PCSK5: variants seen among roughly 807,000 people sequenced by gnomAD.
PCSK5 encodes the protein prohormone convertase 5.
In PCSK5, 129 loss-of-function variants were observed where a neutral mutation model predicts 233.2. That is an observed-to-expected ratio of 0.55 (90% CI 0.48 to 0.64). PCSK5 has a LOEUF of 0.64. PCSK5 is among the 30% of genes least tolerant of loss of function. The pLI, the probability that PCSK5 is intolerant of heterozygous loss-of-function variation, is 0.00. For synonymous variants in PCSK5, 825 were observed against 879.2 expected, an observed-to-expected ratio of 0.94 and a Z score of 1.09; for missense variants, 2,076 against 2,430.1, an observed-to-expected ratio of 0.85 and a Z score of 3.06.
intron 28 of PCSK5, among the ~76,000 whole-genome samples, chr9:76,303,903 G>A (rs2842473): frequency 0.43 from 65,218 of 152,030 alleles, 15,399 homozygotes; most frequent in East Asian, 0.84. Flanking sequence ...TGGCTGCAGT[G>A]GCTCACACCT....
At chr9:76,141,572 G>A (rs7040697) in intron 10 of PCSK5, among the ~76,000 whole-genome samples, 48,389 of 151,608 alleles carry the variant, frequency 0.32, 8,916 homozygotes, top group East Asian at 0.6. Context: ...CATCACCACA[G>A]TCGAGTTATA....
At chr9:76,024,871 G>A (rs1420963149) in intron 4 of PCSK5, among the ~76,000 whole-genome samples, 3 of 152,108 alleles carry the variant, frequency 2.0e-5, no homozygotes, top group Non-Finnish European at 4.4e-5. Context: ...ACTTTTAAAG[G>A]CAAACAAGCA....
rs1249516218 is a variant in PCSK5 at position 76,321,596 on chromosome 9, C to T, written c.4059C>T (p.Cys1353=). ...HVAVKGVCKH[C]PEMCQDCIHE... is the part of the protein sequence containing the mutation. ...CTGTGAAGGGGGTATGCAAGCATTG[C>T]CCAGAGATGTGTCAGGACTGCATCC... is the stretch of plus-strand genomic sequence containing the variant. Residue 1353 remains cysteine (C), a synonymous_variant, in exon 31 of 38, where the codon TGC becomes TGT. Transcript: ENST00000674117. 1.9e-6 allele frequency: 3 copies of T among 1,612,438 alleles called. No individual in the cohort carries two copies. Among genetic ancestry groups the T allele is most frequent in the Non-Finnish European group, 2.5e-6 (3 of 1,179,564 alleles).
At chr9:76,206,143 C>A (rs747519357) in intron 20 of PCSK5, among the ~76,000 whole-genome samples, 2 of 152,104 alleles carry the variant, frequency 1.3e-5, no homozygotes, top group African/African-American at 4.8e-5. Context: ...TTCAGTAGAT[C>A]CGAGGTGGAA....
intron 2 of PCSK5, among the ~76,000 whole-genome samples, chr9:75,947,671 C>G (rs1260628312): frequency 6.6e-6 from 1 of 152,148 alleles, no homozygotes; most frequent in Admixed American, 6.5e-5. Context: ...AGACTTACTC[C>G]TGGCAGTCAT....
At chr9:75,938,853 C>T (rs1022715514) in intron 2 of PCSK5, among the ~76,000 whole-genome samples, 2 of 151,974 alleles carry the variant, frequency 1.3e-5, no homozygotes, top group Admixed American at 1.3e-4. Flanking sequence ...ATTTGTGTGC[C>T]AGAGTGGGGG....
intron 12 of PCSK5, among the ~76,000 whole-genome samples, chr9:76,159,816 CTTTTTTTTTTTTTT>C (rs386415165): frequency 1.0e-5 from 1 of 97,590 alleles, no homozygotes; most frequent in Non-Finnish European, 2.0e-5. Flanking sequence ...CTCTTCAGTC[CTTTTTTTTTTTTTT>C]TTTTTTTTTG....
chr9:76,344,958 A>AGTTTGAAAAACT (rs1454022240), intron 35 of PCSK5, among the ~76,000 whole-genome samples: 2 of 152,214 alleles, frequency 1.3e-5, no homozygotes, highest in Non-Finnish European at 2.9e-5. Flanking sequence ...TTGTAAGCAC[A>AGTTTGAAAAACT]GTTTGAAAAA....
chr9:75,990,973 A>T (rs1377051147), intron 3 of PCSK5, among the ~76,000 whole-genome samples: 1 of 152,092 alleles, frequency 6.6e-6, no homozygotes, highest in Admixed American at 6.6e-5. Context: ...ATAAAAGCAA[A>T]CCTGTGTCAT....
Position 76,358,920 on chromosome 9 carries a change from T to C in PCSK5, c.5662T>C (p.Ter1888GlnextTer17), listed in dbSNP as rs1219299678. ...YDDESYSYYQ[*>Q] ...TGACGAGAGTTACTCCTACTACCAG[T>C]AAACAGGCACTCCCCCACCAACACC... The change falls in exon 38 of 38, where the codon TAA (stop) becomes CAA (glutamine). Residue 1888 changes from the stop codon to glutamine (Q), a stop_lost. Transcript: ENST00000674117. 1.9e-6 allele frequency: 3 copies of C among 1,610,878 alleles called. No homozygotes were observed. The highest frequency in any genetic ancestry group is 2.2e-5 in the South Asian group (2 of 90,948).
chr9:76,286,442 T>C (rs901508309), intron 24 of PCSK5: 6 of 152,994 alleles, frequency 3.9e-5, no homozygotes, highest in African/African-American at 1.4e-4. Flanking sequence ...GATTCATTGA[T>C]TGGGATATTT....
At chr9:76,179,960 G>C (rs1335110744) in intron 15 of PCSK5, among the ~76,000 whole-genome samples, 2 of 150,918 alleles carry the variant, frequency 1.3e-5, no homozygotes, top group African/African-American at 4.9e-5. Context: ...ACGTTTGGAG[G>C]ACGGTGGAGG....
At chr9:76,238,930 C>T in intron 22 of PCSK5, 29 bp from the exon 23 acceptor site, 1 of 1,514,586 alleles carries the variant, frequency 6.6e-7, no homozygotes, top group Non-Finnish European at 9.1e-7. Context: ...TACATTTTCC[C>T]TCTTTTCGTT....
intron 1 of PCSK5, among the ~76,000 whole-genome samples, chr9:75,902,650 G>A (rs1826093136): frequency 1.3e-5 from 2 of 152,176 alleles, no homozygotes; most frequent in South Asian, 2.1e-4. Context: ...AAGAAACAGA[G>A]GCTGAAGTAT....
At chr9:76,327,789 A>C (rs1185914901) in intron 32 of PCSK5, among the ~76,000 whole-genome samples, 4 of 152,208 alleles carry the variant, frequency 2.6e-5, no homozygotes, top group Admixed American at 2.6e-4. Context: ...TACAACAGAG[A>C]AAATAAAATA....
intron 1 of PCSK5, among the ~76,000 whole-genome samples, chr9:75,931,828 T>C (rs184985676): frequency 6.6e-6 from 1 of 152,230 alleles, no homozygotes; most frequent in Non-Finnish European, 1.5e-5. Flanking sequence ...GATTTTACTT[T>C]TAGTTTTGCA....
At chr9:76,096,869 G>C (rs1831536042) in intron 8 of PCSK5, among the ~76,000 whole-genome samples, 1 of 151,790 alleles carries the variant, frequency 6.6e-6, no homozygotes, top group Admixed American at 6.6e-5. Flanking sequence ...CCAAAGTTCT[G>C]GGATTTACAG....
In PCSK5 at chr9:76,126,038, A is replaced by G. The variant is rs181455225; in HGVS notation, c.1209-8071A>G. Among the ~76,000 whole-genome samples the G allele has an allele frequency of 2.4e-4, 37 of 152,336 alleles. No homozygotes were observed. The East Asian group carries it at 7.1e-3, about 29-fold the overall frequency. Reference sequence around the variant, plus strand: ...ATAGCATTTTGGCATCCCAAGATATATAATAGAGGGAGACAATGAAAAAGA... The same window carrying G: ...ATAGCATTTTGGCATCCCAAGATATGTAATAGAGGGAGACAATGAAAAAGA... On this transcript the variant is annotated intron_variant, in intron 9 of 37. Coordinates refer to ENST00000674117, the MANE Select transcript of PCSK5 (RefSeq NM_001372043.1).
intron 9 of PCSK5, among the ~76,000 whole-genome samples, chr9:76,109,089 G>A (rs12347453): frequency 2.0e-5 from 3 of 151,986 alleles, no homozygotes; most frequent in African/African-American, 7.3e-5. Context: ...AAAAGTTTGG[G>A]TTTAGCAAGG....
Sources: gnomAD v4.1 joint callset for allele counts (sites outside exome capture counted in the v4.1 genomes callset) on GRCh38, gnomAD v4.1.1 for gene constraint, MANE v1.5 for transcripts, NCBI Gene and HGNC (gene_info 2026-07-23, HGNC 2026-07-21) for gene names.